Variants in COG6 observed in about 807,000 individuals in gnomAD.
COG6 encodes the protein component of oligomeric golgi complex 6.
Under a neutral mutation model 88.8 loss-of-function variants are expected in COG6, and 74 were observed. The ratio of observed to expected loss-of-function variants is 0.83; its 90% CI spans 0.69 to 1.01. The LOEUF (loss-of-function observed/expected upper bound fraction) is 1.01, where lower values mean the gene tolerates loss of function less well. Among genes scored for constraint, COG6 ranks in the 50% least tolerant of loss-of-function variants. The pLI, the probability that COG6 is intolerant of heterozygous loss-of-function variation, is 0.00. For missense variants in COG6, 800 were observed against 797.9 expected, an observed-to-expected ratio of 1.00 and a Z score of -0.03; for synonymous variants, 286 against 278.7, an observed-to-expected ratio of 1.03 and a Z score of -0.26.
intron 18 of COG6, among the ~76,000 whole-genome samples, chr13:39,781,595 G>A (rs959266268): frequency 6.6e-6 from 1 of 151,998 alleles, no homozygotes; most frequent in East Asian, 1.9e-4. Flanking sequence ...ACAGCAAAGA[G>A]TTTTGGGCCA....
intron 1 of COG6, among the ~76,000 whole-genome samples, chr13:39,658,318 A>G (rs993163284): frequency 6.6e-6 from 1 of 151,282 alleles, no homozygotes; most frequent in Admixed American, 6.6e-5. Flanking sequence ...TAATTTTTTG[A>G]TTTTTTTATA....
At chr13:39,767,799 A>G (rs1048871507) in intron 18 of COG6, among the ~76,000 whole-genome samples, 4 of 152,234 alleles carry the variant, frequency 2.6e-5, no homozygotes, top group South Asian at 2.1e-4. Flanking sequence ...GCAACTAGAC[A>G]TGAAAAGTCC....
chr13:39,750,575 T>C (rs943180599), intron 18 of COG6, among the ~76,000 whole-genome samples: 1 of 152,200 alleles, frequency 6.6e-6, no homozygotes, highest in African/African-American at 2.4e-5. Flanking sequence ...GTAAGCATCT[T>C]TCTTTAATGT....
chr13:39,757,256 G>C (rs1880866745), downstream of COG6, among the ~76,000 whole-genome samples: 1 of 152,100 alleles, frequency 6.6e-6, no homozygotes, highest in Non-Finnish European at 1.5e-5. Flanking sequence ...AATCACGAAG[G>C]AAACTAGAAA....
Position 39,719,813 on chromosome 13 carries a change from A to G in COG6, c.1570A>G (p.Met524Val), listed in dbSNP as rs754890834. 1 of 1,611,288 alleles carries G rather than the reference A, an allele frequency of 6.2e-7. No individual in the cohort carries two copies. Among genetic ancestry groups the G allele is most frequent in the Non-Finnish European group, 8.5e-7 (1 of 1,178,090 alleles). The change falls in exon 15 of 19, where the codon ATG (methionine) becomes GTG (valine). Residue 524 changes from methionine to valine, a missense_variant. By Grantham distance (21) the Met-to-Val change is conservative. Transcript: ENST00000455146. ...TGAATTCACTGACAGACGTCTGGAAATGCTACAGTTTCAGGTAAATTTTTC... is the reference window on the plus strand; with the variant it reads ...TGAATTCACTGACAGACGTCTGGAAGTGCTACAGTTTCAGGTAAATTTTTC... ...LFEFTDRRLE[M>V]LQFQIEAHLD...
chr13:39,769,546 C>T (rs1040042450), intron 18 of COG6, among the ~76,000 whole-genome samples: 2 of 152,172 alleles, frequency 1.3e-5, no homozygotes, highest in African/African-American at 4.8e-5. Context: ...TGTGCAAAGC[C>T]AGGTAATCTA....
rs1386309516 is a variant in COG6, at chr13:39,751,362, A to G, written c.*269A>G. ...TCTCCAGCTCTGCAGTTTTCACTGT[A>G]TTCAGGAAGCATAAAGTAGTATGAA... On this transcript the variant is annotated 3_prime_UTR_variant, in exon 19 of 19. Coordinates refer to ENST00000455146, the MANE Select transcript of COG6 (RefSeq NM_020751.3). 22 of 1,418,746 alleles carry G rather than the reference A, an allele frequency of 1.6e-5. No homozygotes were observed. The highest frequency in any genetic ancestry group is 1.9e-5 in the Non-Finnish European group (20 of 1,076,180). 87.9% of individuals were successfully genotyped at this position (1,418,746 alleles called of 1,614,324 possible).
intron 18 of COG6, among the ~76,000 whole-genome samples, chr13:39,757,823 A>T (rs985286314): frequency 1.3e-5 from 2 of 152,208 alleles, no homozygotes; most frequent in African/African-American, 4.8e-5. Flanking sequence ...TGGTGAATTC[A>T]CTGGTGGTTT....
intron 11 of COG6, among the ~76,000 whole-genome samples, chr13:39,693,889 C>T (rs1877115614): frequency 6.6e-6 from 1 of 151,850 alleles, no homozygotes; most frequent in South Asian, 2.1e-4. Context: ...AATGTCTATA[C>T]TGTATTTGTA....
chr13:39,720,566 A>G (rs1283426097), intron 15 of COG6, among the ~76,000 whole-genome samples: 1 of 152,090 alleles, frequency 6.6e-6, no homozygotes, highest in Non-Finnish European at 1.5e-5. Flanking sequence ...TTTAAAATAA[A>G]TGTATCAGAA....
At chr13:39,672,459 G>T (rs1875708201) in intron 4 of COG6, among the ~76,000 whole-genome samples, 1 of 151,912 alleles carries the variant, frequency 6.6e-6, no homozygotes, top group Non-Finnish European at 1.5e-5. Context: ...CCTACTTTCT[G>T]CCTCTCTAAA....
At chr13:39,663,472 A>C (rs967706871) in intron 3 of COG6, among the ~76,000 whole-genome samples, 1 of 152,204 alleles carries the variant, frequency 6.6e-6, no homozygotes, top group Admixed American at 6.5e-5. Context: ...AAAATTGCAC[A>C]AGGCAAGACT....
At chr13:39,761,115 T>C (rs1880996847) in intron 18 of COG6, among the ~76,000 whole-genome samples, 1 of 152,060 alleles carries the variant, frequency 6.6e-6, no homozygotes, top group Non-Finnish European at 1.5e-5. Flanking sequence ...AGAATTGATA[T>C]CTTTATAAGA....
chr13:39,668,777 G>A (rs191880154), intron 4 of COG6, among the ~76,000 whole-genome samples: 9,087 of 146,944 alleles, frequency 0.062, 368 homozygotes, highest in Non-Finnish European at 0.094. Flanking sequence ...GACAGAGCGA[G>A]ACTCCGTCTC....
At chr13:39,721,890 A>G (rs2138080386) in intron 15 of COG6, among the ~76,000 whole-genome samples, 1 of 152,070 alleles carries the variant, frequency 6.6e-6, no homozygotes, top group Middle Eastern at 3.4e-3. Flanking sequence ...TTGAGTTTAT[A>G]TGTTTTCCCA....
At chr13:39,712,255 A>T (rs538044282) in intron 13 of COG6, among the ~76,000 whole-genome samples, 61 of 152,244 alleles carry the variant, frequency 4.0e-4, no homozygotes, top group African/African-American at 1.4e-3. Flanking sequence ...GTACTTATGG[A>T]TCCCATTCTT....
intron 18 of COG6, among the ~76,000 whole-genome samples, chr13:39,775,839 G>A (rs571420525): frequency 9.3e-5 from 14 of 150,686 alleles, no homozygotes; most frequent in South Asian, 4.2e-4. Context: ...GTGCGATCTC[G>A]GCTCACTGCG....
At position 39,745,590 on chromosome 13, in the gene COG6, G is replaced by A. The variant is rs1034762127; in HGVS notation, c.1827-5356G>A. On this transcript the variant is annotated intron_variant, in intron 18 of 18. Coordinates refer to ENST00000455146, the MANE Select transcript of COG6 (RefSeq NM_020751.3). The stretch of plus-strand genomic sequence containing the variant: ...GATCATTAAAAAGTCAGGAAACAAC[G>A]GATGCTGGAGAGGATGTGGAGAAAT... Among the ~76,000 whole-genome samples the A allele has an allele frequency of 1.1e-4, 16 of 152,214 alleles. No individual in the cohort carries two copies. The East Asian group carries it at 1.7e-3, about 17-fold the overall frequency.
chr13:39,697,137 G>A (rs1342170937), intron 12 of COG6, among the ~76,000 whole-genome samples: 2 of 151,412 alleles, frequency 1.3e-5, no homozygotes, highest in African/African-American at 4.9e-5. Context: ...TGATGTATCT[G>A]TGAATATACA....
Sources: gnomAD v4.1 joint callset for allele counts (sites outside exome capture counted in the v4.1 genomes callset) on GRCh38, gnomAD v4.1.1 for gene constraint, MANE v1.5 for transcripts, NCBI Gene and HGNC (gene_info 2026-07-23, HGNC 2026-07-21) for gene names.